ARL15: variants seen among roughly 807,000 people sequenced by gnomAD.
ARL15 encodes the protein ARF like GTPase 15, also known as ADP-ribosylation factor-like protein 15.
In ARL15, 19 loss-of-function variants were observed where a neutral mutation model predicts 25.2. The ratio of observed to expected loss-of-function variants is 0.75; its 90% confidence interval spans 0.53 to 1.10. The LOEUF is 1.10. ARL15 is among the 50% of genes least tolerant of loss of function. The pLI is 0.00. For synonymous variants in ARL15, 94 were observed against 86.8 expected, an observed-to-expected ratio of 1.08 and a Z score of -0.46; for missense variants, 220 against 246.0, an observed-to-expected ratio of 0.89 and a Z score of 0.71.
chr5:54,232,642 C>T (rs1020668326), intron 1 of ARL15, among the ~76,000 whole-genome samples: 4 of 152,126 alleles, frequency 2.6e-5, no homozygotes, highest in Admixed American at 6.5e-5. Flanking sequence ...TAATTAAAGA[C>T]GCATGCCCAC....
chr5:53,901,091 A>C (rs1745051283), intron 4 of ARL15, among the ~76,000 whole-genome samples: 4 of 152,208 alleles, frequency 2.6e-5, no homozygotes, highest in Admixed American at 2.6e-4. Context: ...AATACCATAC[A>C]TAACATAGTC....
chr5:54,044,266 C>T (rs1750437913), intron 4 of ARL15, among the ~76,000 whole-genome samples: 1 of 119,942 alleles, frequency 8.3e-6, no homozygotes, highest in Non-Finnish European at 1.6e-5. Context: ...TTTTTTGAGA[C>T]AGAGTCTTAT....
At chr5:54,070,722 G>A (rs1382885375) in intron 4 of ARL15, among the ~76,000 whole-genome samples, 2 of 151,972 alleles carry the variant, frequency 1.3e-5, no homozygotes, top group African/African-American at 2.4e-5. Context: ...GCGAGCACCT[G>A]TAGTCCCAGC....
intron 4 of ARL15, among the ~76,000 whole-genome samples, chr5:53,914,548 C>T (rs886211444): frequency 6.6e-6 from 1 of 152,116 alleles, no homozygotes; most frequent in Non-Finnish European, 1.5e-5. Flanking sequence ...AAATATTCGT[C>T]CATTCATTTC....
chr5:54,092,070 A>ACACACACACACACACACAC lies in ARL15; in HGVS notation c.462+21131_462+21132insGTGTGTGTGTGTGTGTGTG, dbSNP rs746618758. 7.7e-4 allele frequency among the ~76,000 whole-genome samples: 117 copies of ACACACACACACACACACAC among 151,572 alleles called. No individual in the cohort carries two copies. The South Asian group carries it at 0.017, about 21-fold the overall frequency. Reference sequence around the variant, plus strand: ...AAAACACACACACACACACACACACACACCACCACCACCACCACCATCACC... The same window carrying ACACACACACACACACACAC: ...AAAACACACACACACACACACACACACACACACACACACACACACCACCACCACCACCACCACCATCACC... On this transcript the variant is annotated intron_variant, in intron 4 of 4. Coordinates refer to ENST00000504924, the MANE Select transcript of ARL15 (RefSeq NM_019087.3).
intron 4 of ARL15, among the ~76,000 whole-genome samples, chr5:53,988,475 C>T (rs1200319821): frequency 6.6e-6 from 1 of 152,002 alleles, no homozygotes; most frequent in South Asian, 2.1e-4. Flanking sequence ...AACAGCTGCT[C>T]ATTAAATGTT....
intron 1 of ARL15, among the ~76,000 whole-genome samples, chr5:54,204,334 A>T (rs1331176490): frequency 1.3e-5 from 2 of 152,172 alleles, no homozygotes; most frequent in Non-Finnish European, 2.9e-5. Context: ...CCCACAGGAG[A>T]CATGCAGGAA....
At chr5:54,025,614 G>T (rs1749768076) in intron 4 of ARL15, among the ~76,000 whole-genome samples, 1 of 152,234 alleles carries the variant, frequency 6.6e-6, no homozygotes, top group South Asian at 2.1e-4. Context: ...TCTTTCCTCA[G>T]TTTAGTGGGA....
At chr5:54,178,815 G>C (rs899098650) in intron 1 of ARL15, among the ~76,000 whole-genome samples, 3 of 152,160 alleles carry the variant, frequency 2.0e-5, no homozygotes, top group Non-Finnish European at 4.4e-5. Flanking sequence ...GTAACAGTCA[G>C]TTATGGCTCT....
intron 1 of ARL15, among the ~76,000 whole-genome samples, chr5:54,197,612 T>C (rs575987219): frequency 6.6e-6 from 1 of 152,224 alleles, no homozygotes; most frequent in East Asian, 1.9e-4. Flanking sequence ...TTAAAAGGCT[T>C]AGAAAACAGA....
At chr5:54,225,964 C>G (rs541363649) in intron 1 of ARL15, among the ~76,000 whole-genome samples, 54 of 152,222 alleles carry the variant, frequency 3.5e-4, no homozygotes, top group Non-Finnish European at 6.9e-4. Context: ...AAAAGACTTT[C>G]CCAGGAGCAG....
At chr5:54,249,216 T>C (rs1757174263) in intron 1 of ARL15, among the ~76,000 whole-genome samples, 1 of 151,940 alleles carries the variant, frequency 6.6e-6, no homozygotes, top group Admixed American at 6.6e-5. Context: ...TGAAAAGAAG[T>C]GGATGCATAT....
chr5:53,979,584 T>C (rs1748053499), intron 4 of ARL15, among the ~76,000 whole-genome samples: 1 of 152,006 alleles, frequency 6.6e-6, no homozygotes, highest in Non-Finnish European at 1.5e-5. Flanking sequence ...AAAAATCTCA[T>C]ACTATAGCAA....
intron 4 of ARL15, among the ~76,000 whole-genome samples, chr5:53,906,282 A>G (rs565081916): frequency 6.6e-6 from 1 of 152,342 alleles, no homozygotes; most frequent in South Asian, 2.1e-4. Flanking sequence ...ATCTTCTATC[A>G]AACTGATTTG....
chr5:54,079,146 G>A (rs916279187), intron 4 of ARL15, among the ~76,000 whole-genome samples: 1 of 152,096 alleles, frequency 6.6e-6, no homozygotes, highest in Non-Finnish European at 1.5e-5. Flanking sequence ...TGCTGGAATA[G>A]TCATACATGT....
chr5:54,003,436 A>T (rs1340369260), intron 4 of ARL15, among the ~76,000 whole-genome samples: 2 of 152,180 alleles, frequency 1.3e-5, no homozygotes, highest in Non-Finnish European at 2.9e-5. Flanking sequence ...ATTTTTATAG[A>T]TAGGAGTTAT....
At chr5:54,102,891 C>T (rs2112183533) in intron 4 of ARL15, among the ~76,000 whole-genome samples, 1 of 152,238 alleles carries the variant, frequency 6.6e-6, no homozygotes, top group African/African-American at 2.4e-5. Flanking sequence ...CTTAACAGTT[C>T]ATATGTAGAA....
At chr5:53,971,042 A>G (rs1747735076) in intron 4 of ARL15, among the ~76,000 whole-genome samples, 1 of 152,188 alleles carries the variant, frequency 6.6e-6, no homozygotes, top group Admixed American at 6.5e-5. Flanking sequence ...TTTTTGCACT[A>G]TCAAAGAGAA....
intron 1 of ARL15, among the ~76,000 whole-genome samples, chr5:54,243,994 C>A (rs141963339): frequency 6.6e-6 from 1 of 152,290 alleles, no homozygotes; most frequent in African/African-American, 2.4e-5. Context: ...GCAAGTATCC[C>A]AGCAGTTATG....
Sources: allele counts gnomAD v4.1 joint callset (sites outside exome capture counted in the v4.1 genomes callset), GRCh38; gene constraint gnomAD v4.1.1; transcripts MANE v1.5; gene names NCBI Gene and HGNC (gene_info 2026-07-23, HGNC 2026-07-21).